Variants in TNFAIP8L1 observed in about 807,000 individuals in gnomAD.
TNFAIP8L1 encodes TNF alpha induced protein 8 like 1.
For synonymous variants in TNFAIP8L1, 127 were observed against 125.6 expected, an observed-to-expected ratio of 1.01 and a Z score of -0.08; for missense variants, 225 against 266.1, an observed-to-expected ratio of 0.85 and a Z score of 1.08.
At chr19:4,640,506 A>C (rs916716408) in intron 1 of TNFAIP8L1, 3 of 152,230 alleles carry the variant, frequency 2.0e-5, no homozygotes, top group Admixed American at 2.0e-4. Context: ...AGCTTGGACC[A>C]ATCTAGGTTT....
At chr19:4,648,654 C>T (rs561086890) in intron 1 of TNFAIP8L1, among the ~76,000 whole-genome samples, 29 of 152,180 alleles carry the variant, frequency 1.9e-4, no homozygotes, top group Non-Finnish European at 3.7e-4. Context: ...GTAAACAGGC[C>T]TGACTCCCGT....
chr19:4,652,966 C>T lies in TNFAIP8L1; in HGVS notation c.*536C>T, dbSNP rs1599831359. The T allele has an allele frequency of 6.0e-6, 1 of 167,470 alleles. No individual in the cohort carries two copies. The highest frequency in any genetic ancestry group is 6.5e-5 in the Admixed American group (1 of 15,268). The allele number at this position is 167,470 out of a possible 1,614,324, so 10.4% of individuals were successfully genotyped here. On this transcript the variant is annotated 3_prime_UTR_variant, in exon 2 of 2. Coordinates refer to ENST00000327473, the MANE Select transcript of TNFAIP8L1 (RefSeq NM_152362.3). ...ATGGAATTAGTTCAGATGATCTCAT[C>T]TTGGAGTAGGGTGGGCCCCAATTCA...
rs2088379903 is a variant in TNFAIP8L1, at chr19:4,652,511, C to T, written c.*81C>T. 1 of 1,361,382 alleles carries T rather than the reference C, an allele frequency of 7.3e-7. No homozygotes were observed. The highest frequency in any genetic ancestry group is 2.8e-5 in the Admixed American group (1 of 35,088). 84.3% of individuals were successfully genotyped at this position (1,361,382 alleles called of 1,614,324 possible). A position where few individuals can be genotyped will look rare whatever the true frequency, so the allele number is the denominator to read the frequency against. ...GCGGGTGGGGTTTGTGGGTTTTTTT[C>T]CACCTCTTTTCTCCCAATCGGACTC... On this transcript the variant is annotated 3_prime_UTR_variant, in exon 2 of 2. Coordinates refer to ENST00000327473, the MANE Select transcript of TNFAIP8L1 (RefSeq NM_152362.3).
chr19:4,642,468 G>A (rs1325784892), intron 1 of TNFAIP8L1: 1 of 144,724 alleles, frequency 6.9e-6, no homozygotes, highest in African/African-American at 2.6e-5. Flanking sequence ...TTGACAGAGT[G>A]TGAGACTCCA....
chr19:4,652,493 G>T lies in TNFAIP8L1; in HGVS notation c.*63G>T. The stretch of plus-strand genomic sequence containing the variant: ...GGGGCTCTCCTGCTGGGCGCGGGTG[G>T]GGTTTGTGGGTTTTTTTCCACCTCT... On this transcript the variant is annotated 3_prime_UTR_variant, in exon 2 of 2. Transcript: ENST00000327473. 7.0e-7 allele frequency: 1 copy of T among 1,422,148 alleles called. No homozygotes were observed. Among genetic ancestry groups the T allele is most frequent in the Non-Finnish European group, 9.3e-7 (1 of 1,076,520 alleles). The allele number at this position is 1,422,148 out of a possible 1,614,324, so 88.1% of individuals were successfully genotyped here.
rs1407889607 is a variant in TNFAIP8L1 at position 4,654,053 on chromosome 19, G to A, written c.*1623G>A. 1 of 152,214 alleles carries A rather than the reference G, an allele frequency of 6.6e-6. No homozygotes were observed. The highest frequency in any genetic ancestry group is 1.5e-5 in the Non-Finnish European group (1 of 68,072). 9.4% of individuals were successfully genotyped at this position (152,214 alleles called of 1,614,324 possible). ...AGGGCAGATCCCCTTCAGCCTTGGA[G>A]GGACCTAGCCCTGGCCACACCTTCA... On this transcript the variant is annotated 3_prime_UTR_variant, in exon 2 of 2. Transcript: ENST00000327473.
At position 4,652,537 on chromosome 19, in the gene TNFAIP8L1, C is replaced by T. The variant is rs1025647986; in HGVS notation, c.*107C>T. 3.6e-6 allele frequency: 4 copies of T among 1,123,302 alleles called. No homozygotes were observed. In the African/African-American group the frequency reaches 4.8e-5, roughly 13 times the overall value. The allele number at this position is 1,123,302 out of a possible 1,614,324, so 69.6% of individuals were successfully genotyped here. A position where few individuals can be genotyped will look rare whatever the true frequency, so the allele number is the denominator to read the frequency against. Reference sequence around the variant, plus strand: ...CACCTCTTTTCTCCCAATCGGACTCCGGCCAAACTCCCCTAGACAGATGGG... The same window carrying T: ...CACCTCTTTTCTCCCAATCGGACTCTGGCCAAACTCCCCTAGACAGATGGG... On this transcript the variant is annotated 3_prime_UTR_variant, in exon 2 of 2. Transcript: ENST00000327473.
rs2088395221 is a variant in TNFAIP8L1 at position 4,653,722 on chromosome 19, A to G, written c.*1292A>G. On this transcript the variant is annotated 3_prime_UTR_variant, in exon 2 of 2. Coordinates refer to ENST00000327473, the MANE Select transcript of TNFAIP8L1 (RefSeq NM_152362.3). Reference sequence around the variant, plus strand: ...GGGAGGCGGAGGTTGCAGTGAGCCGAGATTGCACCACTGCACTTCAGCCTG... The same window carrying G: ...GGGAGGCGGAGGTTGCAGTGAGCCGGGATTGCACCACTGCACTTCAGCCTG... 7.3e-6 allele frequency: 1 copy of G among 136,080 alleles called. No individual in the cohort carries two copies. The allele number at this position is 136,080 out of a possible 1,614,324, so 8.4% of individuals were successfully genotyped here.
At chr19:4,644,377 CAA>C (rs527729094) in intron 1 of TNFAIP8L1, among the ~76,000 whole-genome samples, 107 of 121,812 alleles carry the variant, frequency 8.8e-4, no homozygotes, top group African/African-American at 1.7e-3. Flanking sequence ...CCATGTCTAC[CAA>C]AAAAAAAAAA....
rs916924513 is a variant in TNFAIP8L1, at chr19:4,645,886, C to T, written c.-3-5981C>T. On this transcript the variant is annotated intron_variant, in intron 1 of 1. Coordinates refer to ENST00000327473, the MANE Select transcript of TNFAIP8L1 (RefSeq NM_152362.3). This position sits in a 1 kb window ranked among gnomAD's most constrained non-coding sequence, Gnocchi z 4.1. ...ACCTGGACAGAGGCTGTGGACAGGG[C>T]TGAGGCCTCCTGGCTGTTCCTGTAA... Among the ~76,000 whole-genome samples, 1 of 152,070 alleles carries T rather than the reference C, an allele frequency of 6.6e-6. No individual in the cohort carries two copies. The highest frequency in any genetic ancestry group is 2.4e-5 in the African/African-American group (1 of 41,368).
In TNFAIP8L1 at chr19:4,654,354, ATTGTT is replaced by A. The variant is rs2088403213; in HGVS notation, c.*1928_*1932del. 1 of 152,012 alleles carries A rather than the reference ATTGTT, an allele frequency of 6.6e-6. No homozygotes were observed. Among genetic ancestry groups the A allele is most frequent in the Admixed American group, 6.6e-5 (1 of 15,256 alleles). 9.4% of individuals were successfully genotyped at this position (152,012 alleles called of 1,614,324 possible). On this transcript the variant is annotated 3_prime_UTR_variant, in exon 2 of 2. Coordinates refer to ENST00000327473, the MANE Select transcript of TNFAIP8L1 (RefSeq NM_152362.3). ...AGATGTGTGCACATTTTATTTATTTATTGTTTTGAGACAAAGTCTCGCTGTGTCAC... is the reference window on the plus strand; with the variant it reads ...AGATGTGTGCACATTTTATTTATTTATTGAGACAAAGTCTCGCTGTGTCAC...
rs569352885 is a variant in TNFAIP8L1 at position 4,652,503 on chromosome 19, GT to G, written c.*80del. The stretch of plus-strand genomic sequence containing the variant: ...TGCTGGGCGCGGGTGGGGTTTGTGG[GT>G]TTTTTTCCACCTCTTTTCTCCCAAT... On this transcript the variant is annotated 3_prime_UTR_variant, in exon 2 of 2. Transcript: ENST00000327473. 1.3e-4 allele frequency: 179 copies of G among 1,393,606 alleles called. No individual in the cohort carries two copies. The Admixed American group carries it at 1.4e-3, about 11-fold the overall frequency. 86.3% of individuals were successfully genotyped at this position (1,393,606 alleles called of 1,614,324 possible). A position where few individuals can be genotyped will look rare whatever the true frequency, so the allele number is the denominator to read the frequency against.
chr19:4,649,325 C>G (rs534497756), intron 1 of TNFAIP8L1, among the ~76,000 whole-genome samples: 1 of 151,974 alleles, frequency 6.6e-6, no homozygotes, highest in East Asian at 1.9e-4. Flanking sequence ...GAATTCCAGG[C>G]AGTGGTTGCA....
chr19:4,642,232 G>A (rs533102599), intron 1 of TNFAIP8L1: 2 of 152,332 alleles, frequency 1.3e-5, no homozygotes, highest in African/African-American at 4.8e-5. Context: ...TGTAATCCCA[G>A]CACTTTGGGA....
At chr19:4,644,847 C>T (rs1460015074) in intron 1 of TNFAIP8L1, among the ~76,000 whole-genome samples, 4 of 151,976 alleles carry the variant, frequency 2.6e-5, no homozygotes, top group Admixed American at 6.6e-5. Context: ...GTGATCTGCC[C>T]GCCTCGACCT....
chr19:4,649,088 C>T (rs1014246917), intron 1 of TNFAIP8L1, among the ~76,000 whole-genome samples: 2 of 151,854 alleles, frequency 1.3e-5, no homozygotes, highest in Non-Finnish European at 2.9e-5. Flanking sequence ...CACCACCATG[C>T]CCAGCTAATT....
In TNFAIP8L1 at chr19:4,651,938, C is replaced by T. The variant is rs2088368724; in HGVS notation, c.69C>T (p.Ser23=). The T allele has an allele frequency of 1.2e-6, 2 of 1,614,040 alleles. No homozygotes were observed. Among genetic ancestry groups the T allele is most frequent in the African/African-American group, 2.7e-5 (2 of 75,056 alleles). ...AGAAGCTCCTGAGTAAGATGGCGTC[C>T]AAGGCAGTGGTGGCCGTGCTGGTGG... ...AQKKLLSKMA[S]KAVVAVLVDD... is the part of the protein sequence containing the mutation. The change falls in exon 2 of 2, where the codon TCC becomes TCT. Residue 23 remains serine (S), a synonymous_variant. Coordinates refer to ENST00000327473, the MANE Select transcript of TNFAIP8L1 (RefSeq NM_152362.3).
intron 1 of TNFAIP8L1, chr19:4,642,111 T>A (rs1568279634): frequency 1.3e-5 from 2 of 151,996 alleles, no homozygotes; most frequent in Non-Finnish European, 2.9e-5. Context: ...CCAGGGAGGT[T>A]GAGGCTGCAG....
chr19:4,655,333 C>T lies in TNFAIP8L1; in HGVS notation c.*2903C>T, dbSNP rs1481915101. On this transcript the variant is annotated 3_prime_UTR_variant, in exon 2 of 2. Transcript: ENST00000327473. ...CCTCTACCCCACGCTTCCAAGGCAA[C>T]CTTCTCCACTTATCTTAGGCCGAGA... 1 of 152,240 alleles carries T rather than the reference C, an allele frequency of 6.6e-6. No individual in the cohort carries two copies. Among genetic ancestry groups the T allele is most frequent in the Admixed American group, 6.5e-5 (1 of 15,278 alleles). The allele number at this position is 152,240 out of a possible 1,614,324, so 9.4% of individuals were successfully genotyped here.
Sources: gnomAD v4.1 joint callset for allele counts (sites outside exome capture counted in the v4.1 genomes callset) on GRCh38, gnomAD v4.1.1 for gene constraint, Gnocchi (gnomAD v3.1) non-coding constraint, MANE v1.5 for transcripts, NCBI Gene and HGNC (gene_info 2026-07-23, HGNC 2026-07-21) for gene names.